Variants in POLDIP3 observed in about 807,000 individuals in gnomAD.
The protein encoded by POLDIP3 is polymerase delta-interacting protein 3.
Under a neutral mutation model 45.1 loss-of-function variants are expected in POLDIP3, and 14 were observed. The ratio of observed to expected loss-of-function variants is 0.31; its 90% confidence interval spans 0.20 to 0.49. The LOEUF (loss-of-function observed/expected upper bound fraction) is 0.49. Ranked by LOEUF, POLDIP3 falls within the 20% of genes least tolerant of loss-of-function variation. POLDIP3 has a pLI of 0.99. For synonymous variants in POLDIP3, 223 were observed against 205.2 expected, an observed-to-expected ratio of 1.09 and a Z score of -0.74; for missense variants, 511 against 538.8, an observed-to-expected ratio of 0.95 and a Z score of 0.51.
rs772915220 is a variant in POLDIP3 at position 42,583,784 on chromosome 22, T to C, written c.*2007A>G. 7.9e-5 allele frequency: 12 copies of C among 152,156 alleles called. No individual in the cohort carries two copies. Among genetic ancestry groups the C allele is most frequent in the Non-Finnish European group, 1.6e-4 (11 of 68,064 alleles). 9.4% of individuals were successfully genotyped at this position (152,156 alleles called of 1,614,324 possible). A position where few individuals can be genotyped will look rare whatever the true frequency, so the allele number is the denominator to read the frequency against. Reference sequence around the variant, plus strand: ...TACATAATCACCCTTCATCTCTTAATGCCCCTTCCTCTCCTTCTGCACAGG... The same window carrying C: ...TACATAATCACCCTTCATCTCTTAACGCCCCTTCCTCTCCTTCTGCACAGG... On this transcript the variant is annotated 3_prime_UTR_variant, in exon 9 of 9. Coordinates refer to ENST00000252115, the MANE Select transcript of POLDIP3 (RefSeq NM_032311.5).
At chr22:42,598,249 ATTTTTT>A (rs34265457) in intron 4 of POLDIP3, among the ~76,000 whole-genome samples, 3 of 90,840 alleles carry the variant, frequency 3.3e-5, no homozygotes, top group African/African-American at 9.2e-5. Context: ...CACCCCGGAT[ATTTTTT>A]TTTTTTTTTT....
intron 1 of POLDIP3, among the ~76,000 whole-genome samples, chr22:42,611,421 G>T (rs935220767): frequency 6.6e-6 from 1 of 152,202 alleles, no homozygotes; most frequent in African/African-American, 2.4e-5. Flanking sequence ...TGGGATCACA[G>T]GAAACAAAGT....
At chr22:42,596,570 T>C (rs890423101) in intron 4 of POLDIP3, among the ~76,000 whole-genome samples, 11 of 152,136 alleles carry the variant, frequency 7.2e-5, no homozygotes, top group African/African-American at 2.7e-4. Flanking sequence ...ACACACAGCC[T>C]GAACGCGCAC....
chr22:42,597,436 G>C (rs1228832490), intron 4 of POLDIP3, among the ~76,000 whole-genome samples: 1 of 152,182 alleles, frequency 6.6e-6, no homozygotes, highest in Non-Finnish European at 1.5e-5. Context: ...CTCCAGAGCT[G>C]GGACAGCACA....
rs978322970 is a variant in POLDIP3, at chr22:42,614,861, G to T, written c.-4C>A. The T allele has an allele frequency of 1.2e-6, 2 of 1,613,580 alleles. No homozygotes were observed. The highest frequency in any genetic ancestry group is 1.3e-5 in the African/African-American group (1 of 74,928). On this transcript the variant is annotated 5_prime_UTR_variant, in exon 1 of 9. Coordinates refer to ENST00000252115, the MANE Select transcript of POLDIP3 (RefSeq NM_032311.5). Reference sequence around the variant, plus strand: ...CGTCCAGGGAGATGTCCGCCATCTTGCTCCGCCGAGCAAGCCGAAAGCAGT... The same window carrying T: ...CGTCCAGGGAGATGTCCGCCATCTTTCTCCGCCGAGCAAGCCGAAAGCAGT...
chr22:42,604,183 G>A (rs1926578488), intron 1 of POLDIP3, among the ~76,000 whole-genome samples: 1 of 152,182 alleles, frequency 6.6e-6, no homozygotes, highest in Admixed American at 6.5e-5. Flanking sequence ...CTATGTCAAG[G>A]GGTGCTCTTT....
intron 1 of POLDIP3, among the ~76,000 whole-genome samples, chr22:42,612,059 C>A (rs1927152833): frequency 6.6e-6 from 1 of 152,130 alleles, no homozygotes; most frequent in African/African-American, 2.4e-5. Flanking sequence ...TCAGCATGCA[C>A]TCCAGGTTCT....
intron 4 of POLDIP3, among the ~76,000 whole-genome samples, chr22:42,597,962 A>G (rs954143962): frequency 2.0e-5 from 3 of 150,178 alleles, no homozygotes; most frequent in African/African-American, 7.4e-5. Flanking sequence ...TATTTTTAGT[A>G]GAGACGGGAT....
rs750545452 is a variant in POLDIP3 at position 42,584,498 on chromosome 22, G to A, written c.*1293C>T. On this transcript the variant is annotated 3_prime_UTR_variant, in exon 9 of 9. Transcript: ENST00000252115. ...TCCAGCACTTGCTACTGATTTTGCA[G>A]AGCTCCCAGAACCGTGCTCCCCAAC... The A allele has an allele frequency of 4.0e-5, 7 of 175,576 alleles. No individual in the cohort carries two copies. Among genetic ancestry groups the A allele is most frequent in the South Asian group, 1.1e-4 (1 of 9,296 alleles). The allele number at this position is 175,576 out of a possible 1,614,324, so 10.9% of individuals were successfully genotyped here. A position where few individuals can be genotyped will look rare whatever the true frequency, so the allele number is the denominator to read the frequency against.
chr22:42,595,454 A>T (rs933244901), intron 6 of POLDIP3, 83 bp downstream of exon 6: 13 of 1,271,824 alleles, frequency 1.0e-5, no homozygotes, highest in Non-Finnish European at 1.5e-5. Flanking sequence ...CCTAGCAGTC[A>T]TCAAACCTGA....
At chr22:42,609,032 A>C (rs977797996) in intron 1 of POLDIP3, among the ~76,000 whole-genome samples, 3 of 152,184 alleles carry the variant, frequency 2.0e-5, no homozygotes, top group Non-Finnish European at 4.4e-5. Flanking sequence ...TAGTCATCGG[A>C]AATTTTTCAA....
At position 42,602,951 on chromosome 22, in the gene POLDIP3, T is replaced by C; in HGVS notation, c.269A>G (p.Lys90Arg). 6.2e-7 allele frequency: 1 copy of C among 1,614,184 alleles called. No individual in the cohort carries two copies. Among genetic ancestry groups the C allele is most frequent in the South Asian group, 1.1e-5 (1 of 91,082 alleles). The change falls in exon 2 of 9, where the codon AAA becomes AGA. Residue 90 changes from lysine (K) to arginine (R), a missense_variant. By Grantham distance (26) the Lys-to-Arg change is conservative. Transcript: ENST00000252115. ...CAACATCTCTCTGGCATCCTGCACT[T>C]TCCCTTTGATTCGAAATCGGGCATC... ...QKDARFRIKG[K>R]VQDAREMLNS...
At chr22:42,590,096 G>GGAGA (rs1215765083) in intron 7 of POLDIP3, among the ~76,000 whole-genome samples, 1 of 152,128 alleles carries the variant, frequency 6.6e-6, no homozygotes, top group Admixed American at 6.5e-5. Context: ...AAATCACAAG[G>GGAGA]GAGATTAGAA....
Position 42,584,658 on chromosome 22 carries a change from G to A in POLDIP3, c.*1133C>T. The A allele has an allele frequency of 2.9e-6, 1 of 347,634 alleles. No individual in the cohort carries two copies. Among genetic ancestry groups the A allele is most frequent in the Non-Finnish European group, 5.6e-6 (1 of 178,080 alleles). 21.5% of individuals were successfully genotyped at this position (347,634 alleles called of 1,614,324 possible). A position where few individuals can be genotyped will look rare whatever the true frequency, so the allele number is the denominator to read the frequency against. On this transcript the variant is annotated 3_prime_UTR_variant, in exon 9 of 9. Coordinates refer to ENST00000252115, the MANE Select transcript of POLDIP3 (RefSeq NM_032311.5). ...TCCCAACTGTCTGCGCCTATGCTGG[G>A]GAAACACCTTGCCTGGTAGAGCTGC...
chr22:42,614,363 G>A (rs752987215), intron 1 of POLDIP3, among the ~76,000 whole-genome samples: 2 of 152,234 alleles, frequency 1.3e-5, no homozygotes, highest in Non-Finnish European at 2.9e-5. Flanking sequence ...CAGCTTCGGC[G>A]GTCGGAGCAA....
rs1926423643 is a variant in POLDIP3, at chr22:42,602,064, C to G, written c.451-8G>C. 1 of 1,613,964 alleles carries G rather than the reference C, an allele frequency of 6.2e-7. No homozygotes were observed. The highest frequency in any genetic ancestry group is 1.3e-5 in the African/African-American group (1 of 74,926). On this transcript the variant is annotated splice_region_variant and splice_polypyrimidine_tract_variant and intron_variant, in intron 2 of 8. Transcript: ENST00000252115. ...GGCTTTCTGCTGTGGAACCTGGAAA[C>G]ACTCAGTGGTCAGAATCCACCCCAC...
intron 4 of POLDIP3, among the ~76,000 whole-genome samples, chr22:42,596,568 C>A (rs1926007949): frequency 6.6e-6 from 1 of 152,154 alleles, no homozygotes. Context: ...AAACACACAG[C>A]CTGAACGCGC....
At chr22:42,611,421 G>A (rs935220767) in intron 1 of POLDIP3, among the ~76,000 whole-genome samples, 6 of 152,202 alleles carry the variant, frequency 3.9e-5, no homozygotes, top group African/African-American at 2.4e-5. Flanking sequence ...TGGGATCACA[G>A]GAAACAAAGT....
chr22:42,602,213 A>G lies in POLDIP3; in HGVS notation c.451-157T>C, dbSNP rs571696659. ...TATCCTCCACAGTAGGAAGTAACAG[A>G]AGAATCATCAATCCAGAGACCATGC... is the stretch of plus-strand genomic sequence containing the variant. On this transcript the variant is annotated intron_variant, in intron 2 of 8. Transcript: ENST00000252115. 3.1e-3 allele frequency: 3,600 copies of G among 1,167,854 alleles called. 11 individuals are homozygous for G. Among genetic ancestry groups the G allele is most frequent in the Non-Finnish European group, 3.7e-3 (3,157 of 842,668 alleles). 72.3% of individuals were successfully genotyped at this position (1,167,854 alleles called of 1,614,324 possible).
Sources: gnomAD v4.1 joint callset for allele counts (sites outside exome capture counted in the v4.1 genomes callset) on GRCh38, gnomAD v4.1.1 for gene constraint, MANE v1.5 for transcripts, NCBI Gene and HGNC (gene_info 2026-07-23, HGNC 2026-07-21) for gene names.